The following ZNF683 variants were observed in gnomAD, a reference collection of about 807,000 sequenced individuals.
ZNF683 encodes zinc finger protein 683.
A neutral mutation model predicts 31.4 loss-of-function variants in ZNF683; 20 were observed. That is an observed-to-expected ratio of 0.64 (90% CI 0.45 to 0.93). The LOEUF (loss-of-function observed/expected upper bound fraction) is 0.93. Ranked by LOEUF, ZNF683 falls within the 40% of genes least tolerant of loss-of-function variation. The pLI is 0.00. For synonymous variants in ZNF683, 264 were observed against 267.6 expected, an observed-to-expected ratio of 0.99 and a Z score of 0.13; for missense variants, 621 against 637.2, an observed-to-expected ratio of 0.97 and a Z score of 0.27.
At position 26,372,720 on chromosome 1, in the gene ZNF683, A is replaced by G. The variant is rs181359093; in HGVS notation, c.-66T>C. ...TTGGGTCTCTGGTCTGGGTCAAGGC[A>G]TCTGCTCAGGTTCCTCAGTTAGAAG... On this transcript the variant is annotated 5_prime_UTR_variant, in exon 1 of 6. It removes an upstream start codon present in the reference 5' UTR. Transcript: ENST00000349618. 287 of 1,251,086 alleles carry G rather than the reference A, an allele frequency of 2.3e-4. No homozygotes were observed. The highest frequency in any genetic ancestry group is 2.1e-5 in the Non-Finnish European group (20 of 967,618). 77.5% of individuals were successfully genotyped at this position (1,251,086 alleles called of 1,614,324 possible). A position where few individuals can be genotyped will look rare whatever the true frequency, so the allele number is the denominator to read the frequency against.
At chr1:26,374,333 CT>C (rs1298035388), upstream of ZNF683, 1 of 1,303,532 alleles carries the variant, frequency 7.7e-7, no homozygotes, top group Non-Finnish European at 1.0e-6. Flanking sequence ...CTGCTCCCAG[CT>C]CTCAGAACAC....
Position 26,367,760 on chromosome 1 carries a change from T to C in ZNF683, c.152A>G (p.Asp51Gly), listed in dbSNP as rs138390191. Residue 51 changes from aspartate (D) to glycine (G), a missense_variant, in exon 3 of 6, where the codon GAT becomes GGT. Asp to Gly is a moderately conservative substitution (Grantham distance 94). Transcript: ENST00000349618. ...SACRPLPDMV[D>G]AHGPSCASWL... Reference sequence around the variant, plus strand: ...GCTGGCACAGGATGGGCCATGAGCATCCACCATGTCTGGAAGTGGTCTGCA... The same window carrying C: ...GCTGGCACAGGATGGGCCATGAGCACCCACCATGTCTGGAAGTGGTCTGCA... 871 of 1,605,972 alleles carry C rather than the reference T, an allele frequency of 5.4e-4. 9 individuals carry two copies. In the African/African-American group the frequency reaches 0.011, roughly 20 times the overall value.
Position 26,361,702 on chromosome 1 carries a change from G to C in ZNF683, c.1464C>G (p.Ser488Arg). 6.2e-7 allele frequency: 1 copy of C among 1,614,014 alleles called. No individual in the cohort carries two copies. Among genetic ancestry groups the C allele is most frequent in the Non-Finnish European group, 8.5e-7 (1 of 1,179,892 alleles). ...STSQGKARAV[S>R]LSSAGTPLVM... The stretch of plus-strand genomic sequence containing the variant: ...CCAGGGGAGTCCCGGCACTGCTCAG[G>C]CTCACTGCTCTTGCTTTCCCCTGGG... The change falls in exon 6 of 6, where the codon AGC (serine) becomes AGG (arginine). Residue 488 changes from serine to arginine, a missense_variant. Ser to Arg is a moderately radical substitution (Grantham distance 110). Transcript: ENST00000349618.
chr1:26,362,971 C>A, intron 5 of ZNF683, 55 bp downstream of exon 5: 1 of 1,545,016 alleles, frequency 6.5e-7, no homozygotes, highest in Non-Finnish European at 8.8e-7. Context: ...CCTCCAAGGG[C>A]CTAAAACTCC....
intron 4 of ZNF683, 130 bp from the exon 5 acceptor site, chr1:26,363,284 T>G (rs2074431902): frequency 8.1e-7 from 1 of 1,229,386 alleles, no homozygotes; most frequent in Non-Finnish European, 1.1e-6. Context: ...ATCCCCAGGA[T>G]ACTCTACTCT....
intron 4 of ZNF683, among the ~76,000 whole-genome samples, chr1:26,363,989 C>A (rs1463157082): frequency 6.6e-6 from 1 of 152,220 alleles, no homozygotes; most frequent in Non-Finnish European, 1.5e-5. Context: ...CTGAGATGCG[C>A]TCCCTGGGCG....
At chr1:26,371,939 G>A (rs12131370) in intron 1 of ZNF683, among the ~76,000 whole-genome samples, 34,599 of 151,836 alleles carry the variant, frequency 0.23, 4,414 homozygotes, top group East Asian at 0.58. Context: ...CTTAAAAAAA[G>A]TTAATAAATA....
chr1:26,363,825 GC>G (rs2074447105), intron 4 of ZNF683, among the ~76,000 whole-genome samples: 1 of 151,914 alleles, frequency 6.6e-6, no homozygotes, highest in African/African-American at 2.4e-5. Context: ...CTAGGAATCT[GC>G]ATGTTTACTA....
intron 3 of ZNF683, 21 bp from the exon 4 acceptor site, chr1:26,365,247 G>A (rs370102430): frequency 1.7e-5 from 26 of 1,563,264 alleles, no homozygotes; most frequent in African/African-American, 1.5e-4. Flanking sequence ...AAAGGAAGGC[G>A]GTCAGATCCC....
chr1:26,374,319 CA>C, upstream of ZNF683: 1 of 1,304,156 alleles, frequency 7.7e-7, no homozygotes, highest in Non-Finnish European at 1.0e-6. Flanking sequence ...CCTGGCATCA[CA>C]CTCTGCTCCC....
At position 26,361,850 on chromosome 1, in the gene ZNF683, T is replaced by G; in HGVS notation, c.1316A>C (p.Gln439Pro). 6.2e-7 allele frequency: 1 copy of G among 1,614,008 alleles called. No individual in the cohort carries two copies. The highest frequency in any genetic ancestry group is 1.7e-4 in the Middle Eastern group (1 of 6,060). Residue 439 changes from glutamine to proline, a missense_variant, in exon 6 of 6, where the codon CAG (glutamine) becomes CCG (proline). Gln to Pro is a moderately conservative substitution (Grantham distance 76, BLOSUM62 -1). Coordinates refer to ENST00000349618, the MANE Select transcript of ZNF683 (RefSeq NM_001114759.3). ...APQPCGLVHT[Q>P]LPLASLACLA... ...GCAGGCCAGAGAGGCCAGGGGCAGCTGGGTGTGCACCAGGCCACAGGGCTG... is the reference window on the plus strand; with the variant it reads ...GCAGGCCAGAGAGGCCAGGGGCAGCGGGGTGTGCACCAGGCCACAGGGCTG...
At position 26,361,666 on chromosome 1, in the gene ZNF683, C is replaced by G. The variant is rs376358624; in HGVS notation, c.1500G>C (p.Gln500His). 9.9e-6 allele frequency: 16 copies of G among 1,611,852 alleles called. No individual in the cohort carries two copies. The Admixed American group carries it at 1.0e-4, about 10-fold the overall frequency. The stretch of plus-strand genomic sequence containing the variant: ...AGAAACATTTTTAATTGTTCTGGTC[C>G]TGCCCCATCACCAGGGGAGTCCCGG... ...SSAGTPLVMG[Q>H]DQNN is the part of the protein sequence containing the mutation. Residue 500 changes from glutamine (Q) to histidine (H), a missense_variant, in exon 6 of 6, where the codon CAG (glutamine) becomes CAC (histidine). Gln to His is a conservative substitution (Grantham distance 24, BLOSUM62 0). Transcript: ENST00000349618.
chr1:26,367,275 C>CAAAA (rs1365787732), intron 3 of ZNF683, among the ~76,000 whole-genome samples: 1 of 151,672 alleles, frequency 6.6e-6, no homozygotes, highest in African/African-American at 2.4e-5. Flanking sequence ...CAAAAACAAA[C>CAAAA]AAACAAACAA....
At chr1:26,367,122 G>A (rs1247715244) in intron 3 of ZNF683, among the ~76,000 whole-genome samples, 1 of 152,008 alleles carries the variant, frequency 6.6e-6, no homozygotes, top group African/African-American at 2.4e-5. Context: ...AAAATTAGCC[G>A]GGGGTGGTGG....
At chr1:26,371,571 G>C (rs2074670197) in intron 1 of ZNF683, among the ~76,000 whole-genome samples, 1 of 151,030 alleles carries the variant, frequency 6.6e-6, no homozygotes, top group Admixed American at 6.6e-5. Context: ...CTGCACTCTA[G>C]CCTGGGTGAC....
intron 1 of ZNF683, among the ~76,000 whole-genome samples, chr1:26,371,079 G>A (rs1254394927): frequency 1.3e-5 from 2 of 152,148 alleles, no homozygotes; most frequent in Admixed American, 1.3e-4. Context: ...GATGAAGATA[G>A]GCATTGATGA....
intron 5 of ZNF683, among the ~76,000 whole-genome samples, chr1:26,362,687 A>C (rs1373286647): frequency 2.6e-5 from 4 of 152,176 alleles, no homozygotes; most frequent in African/African-American, 9.7e-5. Context: ...GGCTCACAGA[A>C]GGAGGGAGCT....
At chr1:26,367,568 G>C (rs75541583) in intron 3 of ZNF683, 25 bp downstream of exon 3, 159,223 of 1,540,608 alleles carry the variant, frequency 0.1, 10,424 homozygotes, top group African/African-American at 0.32. Context: ...CCAGGCGCAG[G>C]TGCAGCCCGG....
At chr1:26,370,142 C>T (rs965082648) in intron 1 of ZNF683, among the ~76,000 whole-genome samples, 1 of 141,628 alleles carries the variant, frequency 7.1e-6, no homozygotes, top group African/African-American at 2.6e-5. Context: ...TTCCTCAGGG[C>T]TACAAAGAAG....
Sources: gnomAD v4.1 joint callset for allele counts (sites outside exome capture counted in the v4.1 genomes callset) on GRCh38, gnomAD v4.1.1 for gene constraint, MANE v1.5 for transcripts, NCBI Gene and HGNC (gene_info 2026-07-23, HGNC 2026-07-21) for gene names.